XRRA1: variants seen among roughly 807,000 people sequenced by gnomAD.
XRRA1 encodes the protein X-ray radiation resistance-associated protein 1.
A neutral mutation model predicts 80.2 loss-of-function variants in XRRA1; 69 were observed. That is an observed-to-expected ratio of 0.86 (90% CI 0.71 to 1.05). The LOEUF (loss-of-function observed/expected upper bound fraction) is 1.05. Among genes scored for constraint, XRRA1 ranks in the 50% least tolerant of loss-of-function variants. The pLI, the probability that XRRA1 is intolerant of heterozygous loss-of-function variation, is 0.00. For missense variants in XRRA1, 967 were observed against 976.4 expected, an observed-to-expected ratio of 0.99 and a Z score of 0.13; for synonymous variants, 348 against 389.9, an observed-to-expected ratio of 0.89 and a Z score of 1.27.
chr11:74,938,942 A>C (rs1945706916), intron 3 of XRRA1, among the ~76,000 whole-genome samples: 1 of 152,128 alleles, frequency 6.6e-6, no homozygotes, highest in Non-Finnish European at 1.5e-5. Flanking sequence ...TCTCTGAAGA[A>C]CTCTAATGCA....
intron 10 of XRRA1, among the ~76,000 whole-genome samples, chr11:74,889,955 G>A (rs1347619510): frequency 6.6e-6 from 1 of 152,126 alleles, no homozygotes; most frequent in Non-Finnish European, 1.5e-5. Context: ...AATAATGGGA[G>A]ACTTTAACAC....
rs2038811823 is a variant in XRRA1 at position 74,848,221 on chromosome 11, T to C, written c.1622A>G (p.His541Arg). ...LPPICSNSTV[H>R]SEETLSHLSD... ...CAGGTGGGACAGGGTCTCTTCACTA[T>C]GCACAGTGGAGTTGGAGCAGATGGG... is the stretch of plus-strand genomic sequence containing the variant. Residue 541 changes from histidine (H) to arginine (R), a missense_variant, in exon 15 of 19, where the codon CAT becomes CGT. Physicochemically the swap from His to Arg is conservative, Grantham distance 29. Coordinates refer to ENST00000684022, the MANE Select transcript of XRRA1 (RefSeq NM_001378157.1). 1 of 1,613,742 alleles carries C rather than the reference T, an allele frequency of 6.2e-7. No homozygotes were observed. The highest frequency in any genetic ancestry group is 8.5e-7 in the Non-Finnish European group (1 of 1,179,878).
chr11:74,936,775 C>A, intron 4 of XRRA1, 109 bp downstream of exon 4: 1 of 1,341,078 alleles, frequency 7.5e-7, no homozygotes, highest in Non-Finnish European at 1.0e-6. Context: ...ATCACTCTAA[C>A]AGTTTGGAGT....
intron 5 of XRRA1, 179 bp downstream of exon 5, chr11:74,933,622 T>C: frequency 1.7e-6 from 1 of 573,082 alleles, no homozygotes; most frequent in Non-Finnish European, 3.1e-6. Flanking sequence ...TAGCAAAAGT[T>C]TGTGTCTGAA....
chr11:74,935,620 G>A (rs1944777187), intron 4 of XRRA1, among the ~76,000 whole-genome samples: 1 of 152,160 alleles, frequency 6.6e-6, no homozygotes. Flanking sequence ...TCAGGTACTG[G>A]CTTGGCAACT....
Position 74,842,975 on chromosome 11 carries a change from G to C in XRRA1, c.*225C>G. On this transcript the variant is annotated 3_prime_UTR_variant, in exon 19 of 19. Transcript: ENST00000684022. ...CATGTGGCACCCAGTCTATTGCCCT[G>C]TGCACCCACTCTTTATTGCCGCTGG... 1.7e-6 allele frequency: 1 copy of C among 587,968 alleles called. No individual in the cohort carries two copies. Among genetic ancestry groups the C allele is most frequent in the Non-Finnish European group, 3.0e-6 (1 of 336,264 alleles). The allele number at this position is 587,968 out of a possible 1,614,324, so 36.4% of individuals were successfully genotyped here.
intron 10 of XRRA1, among the ~76,000 whole-genome samples, chr11:74,889,241 GC>G (rs1025175098): frequency 6.6e-6 from 1 of 152,066 alleles, no homozygotes; most frequent in Non-Finnish European, 1.5e-5. Context: ...GAGAGTGGGG[GC>G]CAATATTCAA....
At chr11:74,857,697 A>T (rs1258663102) in intron 12 of XRRA1, among the ~76,000 whole-genome samples, 2 of 152,376 alleles carry the variant, frequency 1.3e-5, no homozygotes, top group East Asian at 3.9e-4. Flanking sequence ...TCACCAAGAC[A>T]GACTGACCAT....
At chr11:74,932,500 C>A (rs1431941198) in intron 5 of XRRA1, among the ~76,000 whole-genome samples, 1 of 152,188 alleles carries the variant, frequency 6.6e-6, no homozygotes, top group East Asian at 1.9e-4. Flanking sequence ...GTCTGAGCCA[C>A]CTCTGTACCC....
chr11:74,863,158 G>A (rs973394946), intron 10 of XRRA1, 137 bp from the exon 11 acceptor site: 2 of 771,944 alleles, frequency 2.6e-6, no homozygotes, highest in African/African-American at 1.7e-5. Context: ...CTCAGCCCCA[G>A]TGCTAACTAG....
intron 8 of XRRA1, chr11:74,920,006 C>CA (rs55989441): frequency 0.025 from 3,250 of 128,212 alleles, 93 homozygotes; most frequent in East Asian, 0.15. Context: ...TATAAAACTG[C>CA]AAAAAAAAAA....
intron 11 of XRRA1, among the ~76,000 whole-genome samples, chr11:74,861,020 A>G (rs1221191615): frequency 6.6e-6 from 1 of 152,210 alleles, no homozygotes; most frequent in Non-Finnish European, 1.5e-5. Flanking sequence ...ATTAAGTTCA[A>G]TCAGGTGGCC....
At chr11:74,947,672 C>T (rs1021080071) in intron 1 of XRRA1, among the ~76,000 whole-genome samples, 9 of 152,294 alleles carry the variant, frequency 5.9e-5, no homozygotes, top group Admixed American at 3.3e-4. Context: ...CTAGTGTCCA[C>T]GGATTGCTTC....
chr11:74,867,301 T>A (rs535817588), intron 10 of XRRA1, among the ~76,000 whole-genome samples: 1 of 152,126 alleles, frequency 6.6e-6, no homozygotes, highest in African/African-American at 2.4e-5. Context: ...CAGGAGAAAG[T>A]TGAAACCCAA....
At chr11:74,946,842 C>CCCGGGCTCACGCCATTCT (rs1947652291) in intron 1 of XRRA1, among the ~76,000 whole-genome samples, 1 of 152,008 alleles carries the variant, frequency 6.6e-6, no homozygotes, top group Non-Finnish European at 1.5e-5. Flanking sequence ...AGCTCCGCCT[C>CCCGGGCTCACGCCATTCT]CCGGGCTCAC....
At position 74,886,139 on chromosome 11, in the gene XRRA1, T is replaced by C. The variant is rs180785528; in HGVS notation, c.1003+20100A>G. ...TGGGCAAAAGCTGGAAGCATTCCCC[T>C]TGAGAACTGGAACAAGACAGGATGC... is the stretch of plus-strand genomic sequence containing the variant. On this transcript the variant is annotated intron_variant, in intron 10 of 18. Transcript: ENST00000684022. Among the ~76,000 whole-genome samples, 14 of 152,284 alleles carry C rather than the reference T, an allele frequency of 9.2e-5. 1 individual carries two copies. The East Asian group carries it at 2.7e-3, about 29-fold the overall frequency.
intron 4 of XRRA1, among the ~76,000 whole-genome samples, chr11:74,934,380 C>T (rs1944421046): frequency 6.6e-6 from 1 of 152,084 alleles, no homozygotes; most frequent in Admixed American, 6.6e-5. Context: ...TTATGGTACC[C>T]ACCATGTTTA....
In XRRA1 at chr11:74,906,260, T is replaced by TCATG. The variant is rs2054568612; in HGVS notation, c.978_981dup (p.Lys328HisfsTer6). On this transcript the variant is annotated frameshift_variant, in exon 10 of 19. Transcript: ENST00000684022. LOFTEE classifies it high-confidence loss of function. ...TCACCTGTCCGGTCAACATCCTTTT[T>TCATG]CATGGGCAGTACAGTATAATCCAGT... is the stretch of plus-strand genomic sequence containing the variant. The TCATG allele has an allele frequency of 1.2e-6, 2 of 1,613,906 alleles. No homozygotes were observed. The highest frequency in any genetic ancestry group is 1.7e-6 in the Non-Finnish European group (2 of 1,179,860).
At chr11:74,882,596 G>GAGTTTCCA (rs2047931572) in intron 10 of XRRA1, among the ~76,000 whole-genome samples, 1 of 152,208 alleles carries the variant, frequency 6.6e-6, no homozygotes, top group African/African-American at 2.4e-5. Flanking sequence ...CTGCTTTTTA[G>GAGTTTCCA]AGTTTCCAGT....
Sources: allele counts gnomAD v4.1 joint callset (sites outside exome capture counted in the v4.1 genomes callset), GRCh38; gene constraint gnomAD v4.1.1; transcripts MANE v1.5; gene names NCBI Gene and HGNC (gene_info 2026-07-23, HGNC 2026-07-21).